Variants in MGAT4C observed in about 807,000 individuals in gnomAD.
The protein encoded by MGAT4C is MGAT4 family member C, also known as alpha-1,3-mannosyl-glycoprotein 4-beta-N-acetylglucosaminyltransferase C.
Under a neutral mutation model 40.1 loss-of-function variants are expected in MGAT4C, and 19 were observed. That is an observed-to-expected ratio of 0.47 (90% confidence interval 0.33 to 0.70). The LOEUF (loss-of-function observed/expected upper bound fraction) is 0.70, where lower values mean the gene tolerates loss of function less well. MGAT4C is among the 30% of genes least tolerant of loss of function. The probability of loss-of-function intolerance (pLI) is 0.02; values close to 1 mark genes in which losing one functional copy is unlikely to be tolerated. For missense variants in MGAT4C, 491 were observed against 563.2 expected, an observed-to-expected ratio of 0.87 and a Z score of 1.30; for synonymous variants, 181 against 187.1, an observed-to-expected ratio of 0.97 and a Z score of 0.27.
intron 2 of MGAT4C, among the ~76,000 whole-genome samples, chr12:86,003,337 T>C (rs1887542584): frequency 6.6e-6 from 1 of 152,176 alleles, no homozygotes; most frequent in Non-Finnish European, 1.5e-5. Flanking sequence ...TTGGGCTTAC[T>C]AGTTGAATCA....
chr12:86,723,945 C>T (rs1401549707), intron 2 of MGAT4C, among the ~76,000 whole-genome samples: 2 of 152,092 alleles, frequency 1.3e-5, no homozygotes, highest in African/African-American at 4.8e-5. Context: ...TGTGTGTTCA[C>T]AAATTGTGTA....
chr12:86,613,017 T>C (rs1201785560), intron 2 of MGAT4C, among the ~76,000 whole-genome samples: 1 of 152,154 alleles, frequency 6.6e-6, no homozygotes, highest in African/African-American at 2.4e-5. Context: ...ACTGAATGAT[T>C]GTATCTAAAA....
At chr12:86,519,698 A>G (rs1047127191) in intron 2 of MGAT4C, among the ~76,000 whole-genome samples, 1 of 152,062 alleles carries the variant, frequency 6.6e-6, no homozygotes, top group Non-Finnish European at 1.5e-5. Flanking sequence ...CCATTTGTGT[A>G]TCTTCTTTTG....
At chr12:86,439,751 GAGAAGGTTCAAATAAACTCAATT>G (rs1381161128) in intron 2 of MGAT4C, among the ~76,000 whole-genome samples, 3 of 151,904 alleles carry the variant, frequency 2.0e-5, no homozygotes, top group Admixed American at 2.0e-4. Flanking sequence ...GCCAAGAAGA[GAGAAGGTTCAAATAAACTCAATT>G]AGAAATTAAA....
chr12:86,356,148 A>G (rs1955304400), intron 3 of MGAT4C, among the ~76,000 whole-genome samples: 1 of 152,216 alleles, frequency 6.6e-6, no homozygotes, highest in African/African-American at 2.4e-5. Flanking sequence ...GAAAGTCAAA[A>G]AAATTTAAAT....
intron 3 of MGAT4C, among the ~76,000 whole-genome samples, chr12:86,399,660 G>A (rs1434193730): frequency 1.3e-5 from 2 of 152,114 alleles, no homozygotes; most frequent in Admixed American, 1.3e-4. Flanking sequence ...GGCTCAAGAG[G>A]AGAAAGTAAG....
intron 2 of MGAT4C, among the ~76,000 whole-genome samples, chr12:86,565,260 T>C (rs1041095744): frequency 6.6e-6 from 1 of 152,146 alleles, no homozygotes; most frequent in East Asian, 1.9e-4. Flanking sequence ...CGTCACAAAT[T>C]ACATGAAGAA....
intron 2 of MGAT4C, among the ~76,000 whole-genome samples, chr12:86,048,970 G>C (rs910522425): frequency 1.3e-5 from 2 of 152,062 alleles, no homozygotes; most frequent in Non-Finnish European, 2.9e-5. Flanking sequence ...TATTTTTCAA[G>C]AGTAAGAGTA....
chr12:86,153,824 C>T (rs983469041), intron 1 of MGAT4C, among the ~76,000 whole-genome samples: 1 of 152,196 alleles, frequency 6.6e-6, no homozygotes, highest in Non-Finnish European at 1.5e-5. Context: ...GTCAATTAAA[C>T]CTCATTCCTT....
chr12:86,220,431 T>G (rs1265522058), intron 1 of MGAT4C, among the ~76,000 whole-genome samples: 1 of 151,946 alleles, frequency 6.6e-6, no homozygotes, highest in African/African-American at 2.4e-5. Context: ...ATAATGAGAG[T>G]TTTACAGTTA....
chr12:86,658,920 G>A (rs1335282949), intron 2 of MGAT4C, among the ~76,000 whole-genome samples: 1 of 151,968 alleles, frequency 6.6e-6, no homozygotes, highest in Non-Finnish European at 1.5e-5. Flanking sequence ...CCTCTGCCAG[G>A]ATGCCTTCTA....
rs184694439 is a variant in MGAT4C at position 86,057,893 on chromosome 12, G to A, written c.-56-8170C>T. The stretch of plus-strand genomic sequence containing the variant: ...GACAGAACTTTGACTTCTATACACT[G>A]CTATTTAAGAAACTAATTTTGATTT... On this transcript the variant is annotated intron_variant, in intron 1 of 4. Coordinates refer to ENST00000611864, the MANE Select transcript of MGAT4C (RefSeq NM_001351288.2). 7.8e-4 allele frequency among the ~76,000 whole-genome samples: 118 copies of A among 152,188 alleles called. 1 individual carries two copies. Among genetic ancestry groups the A allele is most frequent in the Middle Eastern group, 3.4e-3 (1 of 290 alleles).
intron 1 of MGAT4C, among the ~76,000 whole-genome samples, chr12:86,118,672 T>C (rs1444289021): frequency 6.6e-6 from 1 of 152,186 alleles, no homozygotes; most frequent in Non-Finnish European, 1.5e-5. Context: ...CTTGTGACAT[T>C]AAATTAGATA....
At chr12:86,540,322 A>T (rs1959151441) in intron 2 of MGAT4C, among the ~76,000 whole-genome samples, 2 of 152,240 alleles carry the variant, frequency 1.3e-5, no homozygotes, top group South Asian at 2.1e-4. Context: ...ATTCCCAAAA[A>T]CAACTAACAA....
chr12:86,269,851 A>G (rs968383897), intron 4 of MGAT4C, among the ~76,000 whole-genome samples: 1 of 152,114 alleles, frequency 6.6e-6, no homozygotes, highest in Non-Finnish European at 1.5e-5. Flanking sequence ...TGAAAATGTT[A>G]CTTGATTCTT....
At chr12:86,447,513 A>G (rs1374612466) in intron 2 of MGAT4C, among the ~76,000 whole-genome samples, 1 of 152,156 alleles carries the variant, frequency 6.6e-6, no homozygotes, top group East Asian at 1.9e-4. Flanking sequence ...GATATTTACC[A>G]CTAAATAAAA....
At chr12:86,397,862 C>T (rs1468980871) in intron 3 of MGAT4C, among the ~76,000 whole-genome samples, 1 of 152,026 alleles carries the variant, frequency 6.6e-6, no homozygotes, top group Non-Finnish European at 1.5e-5. Flanking sequence ...ATCTGGGAGG[C>T]TGAAGTGAGA....
intron 2 of MGAT4C, among the ~76,000 whole-genome samples, chr12:86,668,484 C>T (rs1964170394): frequency 6.6e-6 from 1 of 152,150 alleles, no homozygotes; most frequent in Admixed American, 6.5e-5. Flanking sequence ...GGGATGGAGA[C>T]ATTATAAGGC....
intron 2 of MGAT4C, among the ~76,000 whole-genome samples, chr12:86,657,963 C>T (rs1178628802): frequency 6.6e-6 from 1 of 151,852 alleles, no homozygotes. Context: ...CTATAAAGAA[C>T]ATAGCCTACT....
Sources: gnomAD v4.1 joint callset for allele counts (sites outside exome capture counted in the v4.1 genomes callset) on GRCh38, gnomAD v4.1.1 for gene constraint, MANE v1.5 for transcripts, NCBI Gene and HGNC (gene_info 2026-07-23, HGNC 2026-07-21) for gene names.